Variants in DPYSL3 observed in about 807,000 individuals in gnomAD.
The protein encoded by DPYSL3 is dihydropyrimidinase-related protein 3.
DPYSL3 carries 16 observed loss-of-function variants against 66.1 expected under a neutral mutation model. The ratio of observed to expected loss-of-function variants is 0.24; its 90% CI spans 0.16 to 0.37. The LOEUF (loss-of-function observed/expected upper bound fraction) is 0.37. Ranked by LOEUF, DPYSL3 falls within the 10% of genes least tolerant of loss-of-function variation. The pLI is 1.00. For missense variants in DPYSL3, 738 were observed against 916.2 expected (o/e 0.81, Z 2.51); for synonymous variants, 338 against 345.1 (o/e 0.98, Z 0.23).
At chr5:147,498,021 C>A (rs1305332202) in intron 1 of DPYSL3, among the ~76,000 whole-genome samples, 1 of 151,768 alleles carries the variant, frequency 6.6e-6, no homozygotes, top group Non-Finnish European at 1.5e-5. Flanking sequence ...GAGTTTGTTG[C>A]ACAGATTATT....
At chr5:147,439,099 A>T (rs1435533625) in intron 1 of DPYSL3, among the ~76,000 whole-genome samples, 2 of 152,238 alleles carry the variant, frequency 1.3e-5, no homozygotes, top group East Asian at 3.8e-4. Flanking sequence ...TAATTCATTC[A>T]TTCCTTCATC....
At chr5:147,425,098 G>A in intron 1 of DPYSL3, 135 bp from the exon 2 acceptor site, 1 of 572,418 alleles carries the variant, frequency 1.7e-6, no homozygotes, top group African/African-American at 1.9e-5. Flanking sequence ...TGTGCTCAAT[G>A]CACTCAACAT....
chr5:147,487,999 T>C (rs1258742475), intron 1 of DPYSL3, among the ~76,000 whole-genome samples: 1 of 152,234 alleles, frequency 6.6e-6, no homozygotes, highest in Non-Finnish European at 1.5e-5. Flanking sequence ...TCCCTATCAA[T>C]TGTGTGAAAA....
intron 1 of DPYSL3, among the ~76,000 whole-genome samples, chr5:147,476,975 T>C (rs1332051913): frequency 6.6e-6 from 1 of 152,106 alleles, no homozygotes; most frequent in Non-Finnish European, 1.5e-5. Context: ...GAGTTCACAA[T>C]TAAAAATTAC....
chr5:147,454,512 T>C (rs982158650), intron 1 of DPYSL3, among the ~76,000 whole-genome samples: 2 of 152,226 alleles, frequency 1.3e-5, no homozygotes, highest in South Asian at 4.1e-4. Context: ...AAGTAGTATC[T>C]TGTTAAAGAA....
intron 6 of DPYSL3, 37 bp from the exon 7 acceptor site, chr5:147,408,833 C>G: frequency 3.1e-6 from 5 of 1,610,688 alleles, no homozygotes; most frequent in Non-Finnish European, 4.2e-6. Flanking sequence ...TCAATAAGCT[C>G]AAGTGAGATT....
At chr5:147,416,007 G>T (rs1165572767) in intron 3 of DPYSL3, 134 bp from the exon 4 acceptor site, 22 of 1,011,224 alleles carry the variant, frequency 2.2e-5, no homozygotes, top group Non-Finnish European at 3.0e-5. Flanking sequence ...TTTTGAAGGG[G>T]TTCCCTGATA....
intron 1 of DPYSL3, among the ~76,000 whole-genome samples, chr5:147,471,405 C>G (rs1014350686): frequency 6.6e-6 from 1 of 152,202 alleles, no homozygotes; most frequent in South Asian, 2.1e-4. Flanking sequence ...TTGTGATTCT[C>G]TCTAATCCTC....
At chr5:147,412,530 C>A in intron 6 of DPYSL3, 78 bp downstream of exon 6, 1 of 1,418,292 alleles carries the variant, frequency 7.1e-7, no homozygotes, top group Non-Finnish European at 9.8e-7. Context: ...ATATTGAGAG[C>A]TCAAGCAGCA....
chr5:147,484,047 C>T (rs1358209321), intron 1 of DPYSL3, among the ~76,000 whole-genome samples: 1 of 152,182 alleles, frequency 6.6e-6, no homozygotes, highest in Non-Finnish European at 1.5e-5. Flanking sequence ...TGGCTAATGA[C>T]CTGTGAAATC....
At chr5:147,498,173 T>A (rs1753549520) in intron 1 of DPYSL3, among the ~76,000 whole-genome samples, 2 of 152,142 alleles carry the variant, frequency 1.3e-5, no homozygotes, top group African/African-American at 4.8e-5. Context: ...CACTTATAAG[T>A]GAGAACATGT....
intron 1 of DPYSL3, among the ~76,000 whole-genome samples, chr5:147,464,468 T>G (rs1031685093): frequency 2.0e-5 from 3 of 152,118 alleles, no homozygotes; most frequent in African/African-American, 7.2e-5. Flanking sequence ...TTCGGGCTCA[T>G]GGGCCCAGAG....
intron 1 of DPYSL3, among the ~76,000 whole-genome samples, chr5:147,455,323 T>A (rs1056095371): frequency 1.3e-5 from 2 of 152,204 alleles, no homozygotes; most frequent in African/African-American, 2.4e-5. Context: ...CTTCTGGTTA[T>A]TTATGGTTAA....
At chr5:147,444,127 G>A (rs1002820452) in intron 1 of DPYSL3, among the ~76,000 whole-genome samples, 1 of 152,104 alleles carries the variant, frequency 6.6e-6, no homozygotes, top group African/African-American at 2.4e-5. Context: ...AGAGGGATAA[G>A]TTATTATCCC....
intron 1 of DPYSL3, among the ~76,000 whole-genome samples, chr5:147,465,402 C>T (rs1375811569): frequency 2.6e-5 from 4 of 151,982 alleles, no homozygotes; most frequent in South Asian, 4.2e-4. Flanking sequence ...CGGATTCAAG[C>T]GATTCTCCTG....
intron 1 of DPYSL3, among the ~76,000 whole-genome samples, chr5:147,460,129 A>G (rs1581206034): frequency 6.6e-6 from 1 of 151,744 alleles, no homozygotes; most frequent in African/African-American, 2.4e-5. Flanking sequence ...AAAAAAGATG[A>G]GGTTGTGAGA....
At position 147,394,103 on chromosome 5, in the gene DPYSL3, C is replaced by A. The variant is rs771854528; in HGVS notation, c.1987G>T (p.Val663Phe). ...ACGATGCGCTTGCTGGCTGAGCGAA[C>A]CCCCTCATCCACTTGGGTGCCTACA... ...SLSGTQVDEG[V>F]RSASKRIVAP... is the part of the protein sequence containing the mutation. Residue 663 changes from valine (V) to phenylalanine (F), a missense_variant, in exon 14 of 14, where the codon GTT becomes TTT. Coordinates refer to ENST00000343218, the MANE Select transcript of DPYSL3 (RefSeq NM_001197294.2). The A allele has an allele frequency of 1.7e-5, 28 of 1,614,024 alleles. No homozygotes were observed. The highest frequency in any genetic ancestry group is 5.3e-5 in the African/African-American group (4 of 74,914).
chr5:147,406,939 C>T (rs1420357182), intron 7 of DPYSL3, among the ~76,000 whole-genome samples: 1 of 152,176 alleles, frequency 6.6e-6, no homozygotes, highest in African/African-American at 2.4e-5. Context: ...CCAAGCTGCA[C>T]TTTATTGCAT....
chr5:147,412,155 G>A (rs1283843025), intron 6 of DPYSL3, among the ~76,000 whole-genome samples: 2 of 152,182 alleles, frequency 1.3e-5, no homozygotes, highest in Non-Finnish European at 2.9e-5. Flanking sequence ...TGAGACCTTT[G>A]CTCCTCATGA....
Sources: gnomAD v4.1 joint callset for allele counts (sites outside exome capture counted in the v4.1 genomes callset) on GRCh38, gnomAD v4.1.1 for gene constraint, MANE v1.5 for transcripts, NCBI Gene and HGNC (gene_info 2026-07-23, HGNC 2026-07-21) for gene names.